Variants in WWOX observed in about 807,000 individuals in gnomAD.
WWOX encodes WW domain containing oxidoreductase, also known as WW domain-containing oxidoreductase.
Under a neutral mutation model 46.2 loss-of-function variants are expected in WWOX, and 69 were observed. The ratio of observed to expected loss-of-function variants is 1.49; its 90% confidence interval spans 1.23 to 1.82. The LOEUF (loss-of-function observed/expected upper bound fraction) is 1.82. Among genes scored for constraint, WWOX ranks in the 40% most tolerant of loss-of-function variants. The pLI, the probability that WWOX is intolerant of heterozygous loss-of-function variation, is 0.00. For synonymous variants in WWOX, 359 were observed against 202.6 expected (o/e 1.77, Z -6.56); for missense variants, 919 against 542.6 (o/e 1.69, Z -6.89).
intron 8 of WWOX, among the ~76,000 whole-genome samples, chr16:79,042,497 C>T (rs1022334297): frequency 6.6e-6 from 1 of 152,110 alleles, no homozygotes; most frequent in African/African-American, 2.4e-5. Flanking sequence ...ATCCTATTCG[C>T]ATGATAAAAA....
rs1240278638 is a variant in WWOX at position 78,844,528 on chromosome 16, G to C, written c.1057-367080G>C. 2.0e-5 allele frequency among the ~76,000 whole-genome samples: 3 copies of C among 151,992 alleles called. No homozygotes were observed. The South Asian group carries it at 6.2e-4, about 32-fold the overall frequency. ...CATCCCGAGCCCGAACATCAATCAGGGAAGATAAACAATGGGAAATGATAG... is the reference window on the plus strand; with the variant it reads ...CATCCCGAGCCCGAACATCAATCAGCGAAGATAAACAATGGGAAATGATAG... On this transcript the variant is annotated intron_variant, in intron 8 of 8. Transcript: ENST00000566780.
intron 8 of WWOX, among the ~76,000 whole-genome samples, chr16:78,485,478 A>G (rs1329290662): frequency 6.6e-6 from 1 of 152,114 alleles, no homozygotes; most frequent in Admixed American, 6.5e-5. Context: ...TTTGGTTGGA[A>G]AGTTATTTTG....
intron 8 of WWOX, among the ~76,000 whole-genome samples, chr16:79,141,527 CT>C (rs1490821029): frequency 2.6e-5 from 4 of 152,344 alleles, no homozygotes; most frequent in African/African-American, 9.6e-5. Flanking sequence ...GTTTTCAAGT[CT>C]CATTTTAATC....
At chr16:78,822,116 T>C (rs2051514956) in intron 8 of WWOX, among the ~76,000 whole-genome samples, 1 of 152,146 alleles carries the variant, frequency 6.6e-6, no homozygotes, top group South Asian at 2.1e-4. Context: ...CTACAAGTGA[T>C]CCTCTTGCCT....
At chr16:79,138,726 C>G (rs2050030814) in intron 8 of WWOX, among the ~76,000 whole-genome samples, 1 of 152,196 alleles carries the variant, frequency 6.6e-6, no homozygotes, top group African/African-American at 2.4e-5. Flanking sequence ...TGTCTCTGCC[C>G]TGCTGTTAAT....
intron 8 of WWOX, among the ~76,000 whole-genome samples, chr16:78,481,552 C>A (rs1023817476): frequency 6.6e-6 from 1 of 151,948 alleles, no homozygotes; most frequent in African/African-American, 2.4e-5. Context: ...TCCCACCACC[C>A]CTTAATTTAA....
intron 4 of WWOX, among the ~76,000 whole-genome samples, chr16:78,133,157 T>G (rs980693105): frequency 6.6e-6 from 1 of 152,228 alleles, no homozygotes; most frequent in Non-Finnish European, 1.5e-5. Context: ...CTTGTTTGGA[T>G]TGAAGAATTT....
In WWOX at chr16:78,383,045, C is replaced by G. The variant is rs1049694498; in HGVS notation, c.517-3815C>G. ...GGGGGAGGTGATATGCTCTTGTAAA[C>G]AAGCAGATCTTAGGCATACTGGATC... On this transcript the variant is annotated intron_variant, in intron 5 of 8. Transcript: ENST00000566780. Among the ~76,000 whole-genome samples, 8 of 150,396 alleles carry G rather than the reference C, an allele frequency of 5.3e-5. No homozygotes were observed. In the South Asian group the frequency reaches 1.1e-3, roughly 20 times the overall value.
chr16:78,913,917 T>C (rs2045178057), intron 8 of WWOX, among the ~76,000 whole-genome samples: 1 of 151,988 alleles, frequency 6.6e-6, no homozygotes, highest in Non-Finnish European at 1.5e-5. Context: ...TGCCTTGGCC[T>C]CCCAAAGTGC....
At chr16:78,228,481 A>G (rs1323024541) in intron 5 of WWOX, among the ~76,000 whole-genome samples, 4 of 151,722 alleles carry the variant, frequency 2.6e-5, no homozygotes, top group Non-Finnish European at 5.9e-5. Flanking sequence ...AGCTGGGACC[A>G]CAGGTGCTTG....
At chr16:78,765,101 G>A (rs181310038) in intron 8 of WWOX, among the ~76,000 whole-genome samples, 3 of 152,332 alleles carry the variant, frequency 2.0e-5, no homozygotes, top group East Asian at 1.9e-4. Context: ...GATGGGTGGC[G>A]GCTGTGCGGG....
At chr16:78,367,934 T>G (rs1806600675) in intron 5 of WWOX, among the ~76,000 whole-genome samples, 2 of 152,066 alleles carry the variant, frequency 1.3e-5, no homozygotes, top group Admixed American at 6.5e-5. Context: ...TTTTTGTATT[T>G]TTAGTGGAGA....
intron 8 of WWOX, among the ~76,000 whole-genome samples, chr16:79,021,184 C>G (rs2047525559): frequency 6.6e-6 from 1 of 152,168 alleles, no homozygotes; most frequent in Non-Finnish European, 1.5e-5. Flanking sequence ...CAAGGAAACG[C>G]CATTCTGCAA....
intron 5 of WWOX, among the ~76,000 whole-genome samples, chr16:78,353,841 C>G (rs562306006): frequency 2.0e-5 from 3 of 152,184 alleles, no homozygotes; most frequent in Admixed American, 2.0e-4. Context: ...GGGTGGCGTT[C>G]GCTTTACCCT....
intron 8 of WWOX, among the ~76,000 whole-genome samples, chr16:78,952,076 C>T (rs749883641): frequency 1.3e-5 from 2 of 152,144 alleles, no homozygotes; most frequent in African/African-American, 2.4e-5. Flanking sequence ...AACCTACAAT[C>T]CCTCGACCCA....
At chr16:78,728,264 T>G (rs7198292) in intron 8 of WWOX, among the ~76,000 whole-genome samples, 82,121 of 151,434 alleles carry the variant, frequency 0.54, 23,221 homozygotes, top group African/African-American at 0.69. Flanking sequence ...GGGGTCCCAC[T>G]GTGTTGCCCA....
At chr16:78,611,777 A>G (rs1470774868) in intron 8 of WWOX, among the ~76,000 whole-genome samples, 1 of 152,188 alleles carries the variant, frequency 6.6e-6, no homozygotes, top group Non-Finnish European at 1.5e-5. Context: ...CTCCAGTATC[A>G]GCTTCAGTCA....
intron 8 of WWOX, among the ~76,000 whole-genome samples, chr16:78,744,548 C>G (rs2049304081): frequency 6.7e-6 from 1 of 149,456 alleles, no homozygotes; most frequent in South Asian, 2.1e-4. Flanking sequence ...TTTCTTGCCT[C>G]AGCCTCCCGA....
At chr16:78,610,417 GA>G (rs2045873374) in intron 8 of WWOX, among the ~76,000 whole-genome samples, 1 of 152,108 alleles carries the variant, frequency 6.6e-6, no homozygotes, top group African/African-American at 2.4e-5. Context: ...TCTATCAAAG[GA>G]AGAACAAATC....
Sources: gnomAD v4.1 joint callset for allele counts (sites outside exome capture counted in the v4.1 genomes callset) on GRCh38, gnomAD v4.1.1 for gene constraint, MANE v1.5 for transcripts, NCBI Gene and HGNC (gene_info 2026-07-23, HGNC 2026-07-21) for gene names.